Variants in FAM124B observed in about 807,000 individuals in gnomAD.
FAM124B encodes the protein family with sequence similarity 124 member B.
In FAM124B, 18 loss-of-function variants were observed where a neutral mutation model predicts 19.7. That is an observed-to-expected ratio of 0.92 (90% CI 0.63 to 1.36). The LOEUF (loss-of-function observed/expected upper bound fraction) is 1.36, where lower values mean the gene tolerates loss of function less well. Among genes scored for constraint, FAM124B ranks in the 40% most tolerant of loss-of-function variants. The pLI, the probability that FAM124B is intolerant of heterozygous loss-of-function variation, is 0.00. For synonymous variants in FAM124B, 223 were observed against 225.2 expected (o/e 0.99, Z 0.09); for missense variants, 540 against 553.3 (o/e 0.98, Z 0.24).
chr2:224,386,784 TA>T (rs199821854), intron 1 of FAM124B, among the ~76,000 whole-genome samples: 1,655 of 149,418 alleles, frequency 0.011, 36 homozygotes, highest in Non-Finnish European at 1.0e-2. Context: ...ATCTGCTATA[TA>T]AATAAATAAA....
At chr2:224,381,324 T>C (rs1306279540) in intron 1 of FAM124B, among the ~76,000 whole-genome samples, 1 of 151,920 alleles carries the variant, frequency 6.6e-6, no homozygotes, top group Non-Finnish European at 1.5e-5. Context: ...AGACGTGTGG[T>C]CCATACATAT....
At chr2:224,388,167 T>G (rs1010224694) in intron 1 of FAM124B, among the ~76,000 whole-genome samples, 6 of 152,214 alleles carry the variant, frequency 3.9e-5, no homozygotes, top group African/African-American at 1.2e-4. Flanking sequence ...AACGGGAAAA[T>G]ATATAATCAG....
chr2:224,389,489 T>G (rs1689847322), intron 1 of FAM124B, among the ~76,000 whole-genome samples: 2 of 152,096 alleles, frequency 1.3e-5, no homozygotes, highest in East Asian at 3.9e-4. Context: ...GAAGCAGAAA[T>G]GACTCCCAAG....
chr2:224,400,585 A>C, intron 1 of FAM124B: 1 of 652,320 alleles, frequency 1.5e-6, no homozygotes, highest in South Asian at 1.8e-5. Context: ...GTCAGATTAG[A>C]AGAGCTTGTG....
chr2:224,388,887 G>T (rs1418438628), intron 1 of FAM124B, among the ~76,000 whole-genome samples: 1 of 152,166 alleles, frequency 6.6e-6, no homozygotes, highest in African/African-American at 2.4e-5. Flanking sequence ...GAAGAGGAGG[G>T]TAAGAAGGCT....
At chr2:224,395,023 G>A (rs554014840) in intron 1 of FAM124B, among the ~76,000 whole-genome samples, 1 of 152,320 alleles carries the variant, frequency 6.6e-6, no homozygotes, top group Non-Finnish European at 1.5e-5. Flanking sequence ...ACCTTGCTGA[G>A]CGTTTCAAGT....
At chr2:224,390,628 C>T (rs955383899) in intron 1 of FAM124B, among the ~76,000 whole-genome samples, 17 of 151,688 alleles carry the variant, frequency 1.1e-4, no homozygotes, top group Non-Finnish European at 2.2e-4. Context: ...CGTGAACATA[C>T]ACCGCTCAGA....
chr2:224,382,907 T>C (rs72968578), intron 1 of FAM124B, among the ~76,000 whole-genome samples: 7,283 of 152,134 alleles, frequency 0.048, 264 homozygotes, highest in South Asian at 0.085. Context: ...GCCAGTTCAT[T>C]AGAGCCACAC....
intron 1 of FAM124B, among the ~76,000 whole-genome samples, chr2:224,386,486 G>C (rs1337051901): frequency 6.6e-6 from 1 of 152,188 alleles, no homozygotes; most frequent in Non-Finnish European, 1.5e-5. Context: ...TGGAAAAGAA[G>C]ATAAATAAGT....
chr2:224,392,867 C>G (rs1355946995), intron 1 of FAM124B, among the ~76,000 whole-genome samples: 1 of 152,120 alleles, frequency 6.6e-6, no homozygotes, highest in Non-Finnish European at 1.5e-5. Flanking sequence ...ATAACCTAGG[C>G]CAGGGCAGTC....
intron 1 of FAM124B, among the ~76,000 whole-genome samples, chr2:224,393,326 A>C (rs1408939960): frequency 6.6e-6 from 1 of 152,200 alleles, no homozygotes; most frequent in Non-Finnish European, 1.5e-5. Flanking sequence ...CCGGCAACCA[A>C]CATGTGTTGT....
rs191544842 is a variant in FAM124B, at chr2:224,396,281, C to T, written c.732+4756G>A. Among the ~76,000 whole-genome samples, 6 of 152,260 alleles carry T rather than the reference C, an allele frequency of 3.9e-5. No homozygotes were observed. In the East Asian group the frequency reaches 1.2e-3, roughly 30 times the overall value. On this transcript the variant is annotated intron_variant, in intron 1 of 1. Transcript: ENST00000409685. Reference sequence around the variant, plus strand: ...GCTGAGCATGGCCTGCTAAGCAGCACCACACCAACATCGTCACCCACGGTC... The same window carrying T: ...GCTGAGCATGGCCTGCTAAGCAGCATCACACCAACATCGTCACCCACGGTC...
intron 1 of FAM124B, among the ~76,000 whole-genome samples, chr2:224,383,034 TGTTG>T (rs1355972145): frequency 6.6e-6 from 1 of 152,086 alleles, no homozygotes; most frequent in Non-Finnish European, 1.5e-5. Flanking sequence ...GGGGCGACAC[TGTTG>T]AAGGGATGCC....
At chr2:224,396,371 C>T (rs139931927) in intron 1 of FAM124B, among the ~76,000 whole-genome samples, 2,571 of 152,300 alleles carry the variant, frequency 0.017, 71 homozygotes, top group African/African-American at 0.058. Flanking sequence ...ACCCAGCTCA[C>T]GCAGATCTGG....
At chr2:224,387,517 G>T (rs1013884143) in intron 1 of FAM124B, among the ~76,000 whole-genome samples, 1 of 152,186 alleles carries the variant, frequency 6.6e-6, no homozygotes, top group Non-Finnish European at 1.5e-5. Flanking sequence ...ACAGTGCCAG[G>T]CTCACTTAAG....
In FAM124B at chr2:224,379,327, G is replaced by A. The variant is rs1689673596; in HGVS notation, c.*246C>T. On this transcript the variant is annotated 3_prime_UTR_variant, in exon 2 of 2. Transcript: ENST00000409685. ...CCAGCTGGGTTAGTGCATCTCCACG[G>A]AACAAAAGCATTCGGTTTTTTTCCC... 2 of 482,908 alleles carry A rather than the reference G, an allele frequency of 4.1e-6. No homozygotes were observed. The highest frequency in any genetic ancestry group is 7.9e-5 in the Admixed American group (2 of 25,226). 29.9% of individuals were successfully genotyped at this position (482,908 alleles called of 1,614,324 possible). A position where few individuals can be genotyped will look rare whatever the true frequency, so the allele number is the denominator to read the frequency against.
In FAM124B at chr2:224,401,704, G is replaced by A. The variant is rs547926694; in HGVS notation, c.65C>T (p.Ser22Phe). Residue 22 changes from serine (S) to phenylalanine (F), a missense_variant, in exon 1 of 2, where the codon TCC becomes TTC. Coordinates refer to ENST00000409685, the MANE Select transcript of FAM124B (RefSeq NM_001122779.2). ...VHLLANSGHG[S>F]LLQRTLDQLL... Reference sequence around the variant, plus strand: ...CTGGTCCAGAGTCCTCTGCAGAAGGGAGCCGTGCCCAGAGTTGGCAAGAAG... The same window carrying A: ...CTGGTCCAGAGTCCTCTGCAGAAGGAAGCCGTGCCCAGAGTTGGCAAGAAG... The A allele has an allele frequency of 1.2e-6, 2 of 1,614,198 alleles. No homozygotes were observed. The highest frequency in any genetic ancestry group is 1.7e-5 in the Admixed American group (1 of 60,024).
At chr2:224,388,456 G>A (rs890637811) in intron 1 of FAM124B, among the ~76,000 whole-genome samples, 2 of 152,222 alleles carry the variant, frequency 1.3e-5, no homozygotes, top group African/African-American at 2.4e-5. Flanking sequence ...ATCATGGTAA[G>A]TGAAGTCAAA....
At chr2:224,385,024 C>T (rs1259555888) in intron 1 of FAM124B, among the ~76,000 whole-genome samples, 1 of 152,146 alleles carries the variant, frequency 6.6e-6, no homozygotes, top group African/African-American at 2.4e-5. Flanking sequence ...CCAGGTTTCT[C>T]TGTCCTCCCC....
Sources: gnomAD v4.1 joint callset for allele counts (sites outside exome capture counted in the v4.1 genomes callset) on GRCh38, gnomAD v4.1.1 for gene constraint, MANE v1.5 for transcripts, NCBI Gene and HGNC (gene_info 2026-07-23, HGNC 2026-07-21) for gene names.